Variants in NDNF observed in about 807,000 individuals in gnomAD.
NDNF encodes the protein neuron derived neurotrophic factor, also known as protein NDNF.
In NDNF, 16 loss-of-function variants were observed where a neutral mutation model predicts 42.0. The observed-to-expected ratio is 0.38, with a 90% confidence interval of 0.26 to 0.58. NDNF has a LOEUF of 0.58. NDNF is among the 20% of genes least tolerant of loss of function. NDNF has a pLI of 0.67. For synonymous variants in NDNF, 248 were observed against 251.7 expected, an observed-to-expected ratio of 0.99 and a Z score of 0.14; for missense variants, 616 against 666.2, an observed-to-expected ratio of 0.92 and a Z score of 0.83.
intron 1 of NDNF, among the ~76,000 whole-genome samples, chr4:121,055,954 T>C (rs1032656647): frequency 8.5e-5 from 13 of 152,294 alleles, no homozygotes; most frequent in Admixed American, 3.3e-4. Flanking sequence ...TGGAAAGTGG[T>C]TGTTATGGTA....
chr4:121,067,360 G>A (rs912246319), intron 1 of NDNF, among the ~76,000 whole-genome samples: 6 of 152,126 alleles, frequency 3.9e-5, no homozygotes, highest in Middle Eastern at 6.8e-3. Context: ...ATACTTCAGA[G>A]AAATATATAA....
rs553803475 is a variant in NDNF at position 121,039,697 on chromosome 4, C to T, written c.313+233G>A. Among the ~76,000 whole-genome samples the T allele has an allele frequency of 6.7e-4, 102 of 152,250 alleles. 3 individuals are homozygous for T. The South Asian group carries it at 0.021, about 32-fold the overall frequency. On this transcript the variant is annotated intron_variant, in intron 3 of 3. Coordinates refer to ENST00000379692, the MANE Select transcript of NDNF (RefSeq NM_024574.4). ...GCCATAGAGGCTAGTCCAAACCTCTCCCCTTCTCCTCAAGCCGTCAATCCC... is the reference window on the plus strand; with the variant it reads ...GCCATAGAGGCTAGTCCAAACCTCTTCCCTTCTCCTCAAGCCGTCAATCCC...
At chr4:121,064,709 T>C (rs1473793270) in intron 1 of NDNF, among the ~76,000 whole-genome samples, 2 of 152,180 alleles carry the variant, frequency 1.3e-5, no homozygotes, top group African/African-American at 4.8e-5. Context: ...CCTCTTAGAA[T>C]TGTGATTTAA....
chr4:121,057,121 A>G (rs1400235858), intron 1 of NDNF, among the ~76,000 whole-genome samples: 1 of 152,222 alleles, frequency 6.6e-6, no homozygotes, highest in African/African-American at 2.4e-5. Flanking sequence ...AGAACAAAGT[A>G]TAATTAATAT....
intron 1 of NDNF, among the ~76,000 whole-genome samples, chr4:121,054,252 G>T (rs1401894023): frequency 1.3e-5 from 2 of 152,148 alleles, no homozygotes; most frequent in African/African-American, 4.8e-5. Context: ...ATGTATCTTA[G>T]GAACTTAGAA....
rs760634557 is a variant in NDNF, at chr4:121,036,953, GT to G, written c.1017del (p.Lys339AsnfsTer7). ...GTFARTKEEA[K>X]QKTVELKDGK... The stretch of plus-strand genomic sequence containing the variant: ...CCATCTTTTAGCTCGACTGTCTTCT[GT>G]TTGGCTTCTTCCTTGGTCCTGGCAA... On this transcript the variant is annotated frameshift_variant, in exon 4 of 4. Coordinates refer to ENST00000379692, the MANE Select transcript of NDNF (RefSeq NM_024574.4). LOFTEE classifies it high-confidence loss of function. 2 of 1,613,916 alleles carry G rather than the reference GT, an allele frequency of 1.2e-6. No homozygotes were observed. The highest frequency in any genetic ancestry group is 2.2e-5 in the East Asian group (1 of 44,852).
chr4:121,039,695 C>T (rs2148763364), intron 3 of NDNF, among the ~76,000 whole-genome samples: 1 of 152,228 alleles, frequency 6.6e-6, no homozygotes, highest in East Asian at 1.9e-4. Flanking sequence ...GTCCAAACCT[C>T]TCCCCTTCTC....
At chr4:121,069,496 A>C (rs1162578560) in intron 1 of NDNF, among the ~76,000 whole-genome samples, 1 of 152,262 alleles carries the variant, frequency 6.6e-6, no homozygotes, top group East Asian at 1.9e-4. Flanking sequence ...ATAGCAATTT[A>C]GGCCTATTAC....
intron 1 of NDNF, among the ~76,000 whole-genome samples, chr4:121,056,510 C>A (rs1450264416): frequency 1.3e-5 from 2 of 152,192 alleles, no homozygotes; most frequent in Admixed American, 1.3e-4. Flanking sequence ...GAGATAACTA[C>A]TGGTTTTGTT....
At chr4:121,050,876 T>C (rs1037297721) in intron 1 of NDNF, among the ~76,000 whole-genome samples, 2 of 152,174 alleles carry the variant, frequency 1.3e-5, no homozygotes. Flanking sequence ...GATTTTTCTT[T>C]GGAATGCCAA....
intron 1 of NDNF, among the ~76,000 whole-genome samples, chr4:121,066,967 G>A (rs1727509699): frequency 6.6e-6 from 1 of 152,198 alleles, no homozygotes; most frequent in Non-Finnish European, 1.5e-5. Flanking sequence ...TACTTCAGCT[G>A]GTCACCACTA....
Position 121,051,644 on chromosome 4 carries a change from C to T in NDNF, c.-1-5806G>A, listed in dbSNP as rs28425773. ...TAGCAGTTCTACTGCTGTCATTTTG[C>T]AAAATTTATCTGCAATTACATAAGA... On this transcript the variant is annotated intron_variant, in intron 1 of 3. Coordinates refer to ENST00000379692, the MANE Select transcript of NDNF (RefSeq NM_024574.4). Among the ~76,000 whole-genome samples the T allele has an allele frequency of 3.9e-3, 597 of 152,254 alleles. 6 individuals carry two copies. The highest frequency in any genetic ancestry group is 0.014 in the African/African-American group (576 of 41,568).
At chr4:121,040,328 T>G (rs1726976278) in intron 2 of NDNF, among the ~76,000 whole-genome samples, 1 of 152,234 alleles carries the variant, frequency 6.6e-6, no homozygotes, top group South Asian at 2.1e-4. Flanking sequence ...TAAAACACAT[T>G]GAACCCAAAG....
chr4:121,069,230 G>A (rs1727549795), intron 1 of NDNF, among the ~76,000 whole-genome samples: 1 of 152,074 alleles, frequency 6.6e-6, no homozygotes. Flanking sequence ...GCATTCCATC[G>A]ACCTGGTATT....
intron 1 of NDNF, among the ~76,000 whole-genome samples, chr4:121,053,514 C>T (rs909163736): frequency 1.3e-5 from 2 of 152,138 alleles, no homozygotes; most frequent in African/African-American, 4.8e-5. Context: ...ATAAATGTCT[C>T]ATAGATAGGA....
chr4:121,046,456 A>T (rs1397759137), intron 1 of NDNF, among the ~76,000 whole-genome samples: 2 of 152,328 alleles, frequency 1.3e-5, no homozygotes, highest in East Asian at 3.9e-4. Context: ...AATTTTCATA[A>T]GTCAAGGATT....
In NDNF at chr4:121,036,138, A is replaced by G; in HGVS notation, c.*126T>C. The G allele has an allele frequency of 1.3e-6, 1 of 776,192 alleles. No homozygotes were observed. The allele number at this position is 776,192 out of a possible 1,614,324, so 48.1% of individuals were successfully genotyped here. A position where few individuals can be genotyped will look rare whatever the true frequency, so the allele number is the denominator to read the frequency against. ...TAAACATCAATATACACACGTTGAT[A>G]TCCTTCCTTCCATAGTACAAGTACA... is the stretch of plus-strand genomic sequence containing the variant. On this transcript the variant is annotated 3_prime_UTR_variant, in exon 4 of 4. Coordinates refer to ENST00000379692, the MANE Select transcript of NDNF (RefSeq NM_024574.4).
intron 1 of NDNF, among the ~76,000 whole-genome samples, chr4:121,063,061 TAC>T (rs1448198583): frequency 6.6e-6 from 1 of 152,166 alleles, no homozygotes; most frequent in Non-Finnish European, 1.5e-5. Flanking sequence ...TGCTGAAATG[TAC>T]AGTTTCATCC....
chr4:121,055,762 T>C (rs1439526389), intron 1 of NDNF, among the ~76,000 whole-genome samples: 2 of 152,028 alleles, frequency 1.3e-5, no homozygotes, highest in South Asian at 2.1e-4. Context: ...GCCAGATACA[T>C]GGATGGTTGA....
Sources: allele counts gnomAD v4.1 joint callset (sites outside exome capture counted in the v4.1 genomes callset), GRCh38; gene constraint gnomAD v4.1.1; transcripts MANE v1.5; gene names NCBI Gene and HGNC (gene_info 2026-07-23, HGNC 2026-07-21).